The following PREX1 variants were observed in gnomAD, a reference collection of about 807,000 sequenced individuals.
PREX1 encodes the protein phosphatidylinositol-3,4,5-trisphosphate dependent Rac exchange factor 1, also known as phosphatidylinositol 3,4,5-trisphosphate-dependent Rac exchanger 1 protein.
PREX1 carries 41 observed loss-of-function variants against 198.3 expected under a neutral mutation model. The ratio of observed to expected loss-of-function variants is 0.21; its 90% confidence interval spans 0.16 to 0.27. PREX1 has a LOEUF of 0.27. PREX1 is among the 10% of genes least tolerant of loss of function. The probability of loss-of-function intolerance (pLI) is 1.00; values close to 1 mark genes in which losing one functional copy is unlikely to be tolerated. For synonymous variants in PREX1, 843 were observed against 887.2 expected (o/e 0.95, Z 0.89); for missense variants, 1,620 against 2,200.7 (o/e 0.74, Z 5.28).
chr20:48,762,621 C>T (rs891794281), intron 1 of PREX1, among the ~76,000 whole-genome samples: 7 of 152,044 alleles, frequency 4.6e-5, no homozygotes, highest in African/African-American at 1.7e-4. Flanking sequence ...TGACCCTAAA[C>T]AGCCTCTCTG....
the PREX1 span, among the ~76,000 whole-genome samples, chr20:48,859,573 G>A: frequency 1.3e-5 from 2 of 152,104 alleles, no homozygotes; most frequent in African/African-American, 2.4e-5. Flanking sequence ...TGAGGATGTG[G>A]GAAAAATTTG....
chr20:48,730,531 C>G (rs2090030620), intron 4 of PREX1, among the ~76,000 whole-genome samples: 2 of 151,720 alleles, frequency 1.3e-5, no homozygotes, highest in Admixed American at 1.3e-4. Flanking sequence ...CAGAGGGATT[C>G]TGGAGGTCTG....
intron 3 of PREX1, among the ~76,000 whole-genome samples, chr20:48,738,030 T>C (rs963648999): frequency 1.6e-4 from 24 of 152,322 alleles, no homozygotes; most frequent in African/African-American, 5.8e-4. Context: ...ATGCACACTC[T>C]TAAAGGCAGA....
intron 10 of PREX1, among the ~76,000 whole-genome samples, chr20:48,686,175 T>G (rs1034437192): frequency 6.6e-6 from 1 of 152,020 alleles, no homozygotes; most frequent in African/African-American, 2.4e-5. Flanking sequence ...CATGGCTGAA[T>G]GCCAGCACAT....
intron 1 of PREX1, among the ~76,000 whole-genome samples, chr20:48,804,680 G>A (rs2090403491): frequency 6.6e-6 from 1 of 152,228 alleles, no homozygotes; most frequent in Non-Finnish European, 1.5e-5. Context: ...GGACAAGGGA[G>A]GAGACGACTG....
chr20:48,862,790 A>AAAAT, the PREX1 span, among the ~76,000 whole-genome samples: 192 of 102,534 alleles, frequency 1.9e-3, 5 homozygotes, highest in South Asian at 7.2e-3. Context: ...TAAAAAAAAA[A>AAAAT]ATATATATAT....
the PREX1 span, among the ~76,000 whole-genome samples, chr20:48,863,346 G>T: frequency 6.6e-6 from 1 of 152,072 alleles, no homozygotes; most frequent in Admixed American, 6.6e-5. Context: ...TATGCAGTCT[G>T]CAGGTCTTGG....
intron 39 of PREX1, among the ~76,000 whole-genome samples, chr20:48,626,745 T>C (rs2089275826): frequency 2.0e-5 from 3 of 152,246 alleles, no homozygotes; most frequent in Admixed American, 1.3e-4. Context: ...ACGTAAGACG[T>C]TGCCGCTGGC....
chr20:48,632,311 G>A lies in PREX1; in HGVS notation c.4492C>T (p.Leu1498=), dbSNP rs2089320900. 1 of 1,614,116 alleles carries A rather than the reference G, an allele frequency of 6.2e-7. No individual in the cohort carries two copies. Among genetic ancestry groups the A allele is most frequent in the Non-Finnish European group, 8.5e-7 (1 of 1,180,028 alleles). ...CGGTAATACTGCTGAACTTTCTCCA[G>A]GGACTGCGCGTTGATGTCCTGCTGC... ...DLQQDINAQS[L]EKVQQYYRKL... is the part of the protein sequence containing the mutation. The change falls in exon 35 of 40, where the codon CTG becomes TTG. Residue 1498 remains leucine, a synonymous_variant. Transcript: ENST00000371941.
intron 30 of PREX1, among the ~76,000 whole-genome samples, chr20:48,639,192 C>A (rs529417511): frequency 6.6e-6 from 1 of 152,238 alleles, no homozygotes; most frequent in South Asian, 2.1e-4. Flanking sequence ...CTCGGCCCCA[C>A]GTACACAGAG....
At position 48,760,251 on chromosome 20, in the gene PREX1, T is replaced by C. The variant is rs1046459414; in HGVS notation, c.220-12371A>G. On this transcript the variant is annotated intron_variant, in intron 1 of 39. Coordinates refer to ENST00000371941, the MANE Select transcript of PREX1 (RefSeq NM_020820.4). ...CCTGGATTTGGATCAACCACATCTG[T>C]AGGGCTTCTACATGCACCAAGCACA... is the stretch of plus-strand genomic sequence containing the variant. 8.5e-5 allele frequency among the ~76,000 whole-genome samples: 13 copies of C among 152,126 alleles called. 1 individual carries two copies. The highest frequency in any genetic ancestry group is 5.9e-5 in the Non-Finnish European group (4 of 68,000).
In PREX1 at chr20:48,630,807, GAT is replaced by G. The variant is rs1427983662; in HGVS notation, c.4527-15_4527-14del. 1.9e-6 allele frequency: 3 copies of G among 1,555,140 alleles called. No individual in the cohort carries two copies. The African/African-American group carries it at 4.1e-5, about 21-fold the overall frequency. On this transcript the variant is annotated splice_polypyrimidine_tract_variant and intron_variant, in intron 35 of 39. Coordinates refer to ENST00000371941, the MANE Select transcript of PREX1 (RefSeq NM_020820.4). ...CAGGTAAAATGCCCTGCGAGAGAAA[GAT>G]GGGAATGAGGCGGGGGCCACCACAC...
chr20:48,787,151 G>A (rs183061505), intron 1 of PREX1, among the ~76,000 whole-genome samples: 2 of 152,220 alleles, frequency 1.3e-5, no homozygotes, highest in East Asian at 1.9e-4. Flanking sequence ...CCATGGTGAC[G>A]GGCGACAGTG....
Position 48,774,087 on chromosome 20 carries a change from A to G in PREX1, c.220-26207T>C, listed in dbSNP as rs528644750. Among the ~76,000 whole-genome samples the G allele has an allele frequency of 9.8e-5, 15 of 152,320 alleles. No individual in the cohort carries two copies. The South Asian group carries it at 1.9e-3, about 19-fold the overall frequency. On this transcript the variant is annotated intron_variant, in intron 1 of 39. Transcript: ENST00000371941. The stretch of plus-strand genomic sequence containing the variant: ...TGTACCACTGGCAAGGATGAAGGCC[A>G]CTTTTATTGAGACAGGAAGACTGTG...
intron 1 of PREX1, among the ~76,000 whole-genome samples, chr20:48,777,391 T>C (rs2090267458): frequency 6.6e-6 from 1 of 152,112 alleles, no homozygotes. Flanking sequence ...CGGAAGGCTG[T>C]TCAACCCCAG....
At chr20:48,724,549 T>G (rs920782997) in intron 5 of PREX1, among the ~76,000 whole-genome samples, 1 of 152,206 alleles carries the variant, frequency 6.6e-6, no homozygotes, top group Non-Finnish European at 1.5e-5. Flanking sequence ...ATGGTAAATA[T>G]TTTAGGCTCT....
chr20:48,815,896 G>C (rs572961621), intron 1 of PREX1, among the ~76,000 whole-genome samples: 1 of 152,076 alleles, frequency 6.6e-6, no homozygotes, highest in Non-Finnish European at 1.5e-5. Context: ...TGTAATCCCC[G>C]CTACTCGGGA....
At chr20:48,823,114 T>C (rs970034709) in intron 1 of PREX1, among the ~76,000 whole-genome samples, 2 of 152,196 alleles carry the variant, frequency 1.3e-5, no homozygotes, top group African/African-American at 4.8e-5. Flanking sequence ...TTCTGGGAGC[T>C]TTCTGCCCAC....
intron 1 of PREX1, among the ~76,000 whole-genome samples, chr20:48,800,227 G>C (rs1467857455): frequency 6.6e-6 from 1 of 152,188 alleles, no homozygotes; most frequent in Non-Finnish European, 1.5e-5. Context: ...ACACCGCTGG[G>C]AAGTGGCAGG....
Sources: gnomAD v4.1 joint callset for allele counts (sites outside exome capture counted in the v4.1 genomes callset) on GRCh38, gnomAD v4.1.1 for gene constraint, MANE v1.5 for transcripts, NCBI Gene and HGNC (gene_info 2026-07-23, HGNC 2026-07-21) for gene names.